Variants in CCDC178 observed in about 807,000 individuals in gnomAD.
CCDC178 encodes the protein coiled-coil domain containing 178.
A neutral mutation model predicts 117.4 loss-of-function variants in CCDC178; 126 were observed. The ratio of observed to expected loss-of-function variants is 1.07; its 90% CI spans 0.93 to 1.24. The LOEUF is 1.24. Ranked by LOEUF, CCDC178 falls within the 50% of genes most tolerant of loss-of-function variation. CCDC178 has a pLI of 0.00. For synonymous variants in CCDC178, 283 were observed against 313.4 expected, an observed-to-expected ratio of 0.90 and a Z score of 1.02; for missense variants, 1,030 against 986.9, an observed-to-expected ratio of 1.04 and a Z score of -0.59.
chr18:33,221,527 C>T (rs975824591), intron 18 of CCDC178, among the ~76,000 whole-genome samples: 6 of 151,948 alleles, frequency 3.9e-5, no homozygotes, highest in African/African-American at 1.4e-4. Context: ...AAGGAGCGTC[C>T]CTTGGGAGTG....
At chr18:33,252,742 A>G (rs1748065522) in intron 14 of CCDC178, among the ~76,000 whole-genome samples, 1 of 151,808 alleles carries the variant, frequency 6.6e-6, no homozygotes, top group African/African-American at 2.4e-5. Flanking sequence ...TTCATAAAAT[A>G]TGCCAATATA....
At chr18:33,181,587 A>G (rs144533743) in intron 20 of CCDC178, among the ~76,000 whole-genome samples, 12 of 151,966 alleles carry the variant, frequency 7.9e-5, no homozygotes, top group Non-Finnish European at 1.6e-4. Flanking sequence ...AATTTAATTT[A>G]TATGTATTGT....
At chr18:33,017,465 T>TA (rs1192450585) in intron 21 of CCDC178, among the ~76,000 whole-genome samples, 3 of 151,994 alleles carry the variant, frequency 2.0e-5, no homozygotes, top group Admixed American at 2.0e-4. Flanking sequence ...GAAAGACATC[T>TA]ATATGTTCAA....
chr18:33,320,211 C>G (rs1227895405), intron 11 of CCDC178, among the ~76,000 whole-genome samples: 3 of 152,204 alleles, frequency 2.0e-5, no homozygotes, highest in Admixed American at 1.3e-4. Flanking sequence ...CTCACCACTC[C>G]TGTTCAACAT....
At chr18:33,342,205 A>G (rs2062825674) in intron 9 of CCDC178, among the ~76,000 whole-genome samples, 1 of 152,176 alleles carries the variant, frequency 6.6e-6, no homozygotes, top group African/African-American at 2.4e-5. Flanking sequence ...AAGAAACAAG[A>G]TATGATATAT....
At chr18:32,997,659 TAA>T (rs1373397446) in intron 21 of CCDC178, among the ~76,000 whole-genome samples, 1 of 152,088 alleles carries the variant, frequency 6.6e-6, no homozygotes, top group Non-Finnish European at 1.5e-5. Flanking sequence ...TATGTATATA[TAA>T]AGACTATATA....
intron 11 of CCDC178, among the ~76,000 whole-genome samples, chr18:33,318,368 C>A (rs1385634685): frequency 6.6e-6 from 1 of 152,144 alleles, no homozygotes; most frequent in Non-Finnish European, 1.5e-5. Context: ...ACAACAGAGT[C>A]CTTTGGTCAA....
intron 22 of CCDC178, among the ~76,000 whole-genome samples, chr18:32,961,124 T>C (rs2054695246): frequency 6.6e-6 from 1 of 152,094 alleles, no homozygotes; most frequent in South Asian, 2.1e-4. Flanking sequence ...GTTGATAGTG[T>C]TGTTCAACTC....
intron 21 of CCDC178, among the ~76,000 whole-genome samples, chr18:33,076,643 A>G (rs940006780): frequency 5.9e-5 from 9 of 152,110 alleles, no homozygotes; most frequent in African/African-American, 2.2e-4. Flanking sequence ...CTTTCCTTAA[A>G]TCTTCCAAAA....
intron 5 of CCDC178, among the ~76,000 whole-genome samples, chr18:33,379,907 C>G (rs1181317938): frequency 2.0e-5 from 3 of 152,148 alleles, no homozygotes; most frequent in Admixed American, 6.5e-5. Flanking sequence ...ACAACTCAGG[C>G]TGCTAATCCA....
rs200383176 is a variant in CCDC178, at chr18:33,349,770, T to C, written c.372-795A>G. On this transcript the variant is annotated intron_variant, in intron 7 of 22. Coordinates refer to ENST00000383096, the MANE Select transcript of CCDC178 (RefSeq NM_001105528.4). ...AGTATTCTAAATTAAGAAAACTGTA[T>C]ACATACCAAAAATCATAAAAAATAA... Among the ~76,000 whole-genome samples, 13 of 151,964 alleles carry C rather than the reference T, an allele frequency of 8.6e-5. No homozygotes were observed. In the East Asian group the frequency reaches 1.9e-3, roughly 23 times the overall value.
At chr18:33,196,010 C>T (rs542044017) in intron 20 of CCDC178, among the ~76,000 whole-genome samples, 1 of 152,264 alleles carries the variant, frequency 6.6e-6, no homozygotes, top group South Asian at 2.1e-4. Context: ...ACCTCTGGGC[C>T]TCTGGAATGT....
intron 21 of CCDC178, among the ~76,000 whole-genome samples, chr18:33,035,568 T>C (rs755808714): frequency 2.6e-5 from 4 of 151,942 alleles, no homozygotes; most frequent in Non-Finnish European, 5.9e-5. Context: ...GAAAAAATAA[T>C]TGAACTCTTA....
At chr18:33,179,869 A>G (rs1016555612) in intron 20 of CCDC178, among the ~76,000 whole-genome samples, 1 of 152,018 alleles carries the variant, frequency 6.6e-6, no homozygotes, top group Non-Finnish European at 1.5e-5. Flanking sequence ...TACAAACTTC[A>G]TGGACATTAA....
chr18:33,351,452 CA>C lies in CCDC178; in HGVS notation c.372-2478del, dbSNP rs560836591. Among the ~76,000 whole-genome samples, 21 of 152,298 alleles carry C rather than the reference CA, an allele frequency of 1.4e-4. No individual in the cohort carries two copies. The South Asian group carries it at 4.3e-3, about 32-fold the overall frequency. ...AGGTGATCCACCAGCCTTGGCCTCC[CA>C]AAGTGCTGGGATTACAGGCGTGAGC... On this transcript the variant is annotated intron_variant, in intron 7 of 22. Coordinates refer to ENST00000383096, the MANE Select transcript of CCDC178 (RefSeq NM_001105528.4).
At chr18:33,293,071 A>G in intron 12 of CCDC178, 88 bp downstream of exon 12, 3 of 892,748 alleles carry the variant, frequency 3.4e-6, no homozygotes, top group Non-Finnish European at 4.9e-6. Context: ...AAATTGGCCA[A>G]TTGCTATTTA....
chr18:33,004,412 T>C (rs1317090328), intron 21 of CCDC178, among the ~76,000 whole-genome samples: 1 of 152,100 alleles, frequency 6.6e-6, no homozygotes, highest in East Asian at 1.9e-4. Context: ...TAAATGATGA[T>C]GGGAAAATCA....
chr18:32,965,578 A>G (rs2054793830), intron 22 of CCDC178, among the ~76,000 whole-genome samples: 1 of 151,780 alleles, frequency 6.6e-6, no homozygotes, highest in Non-Finnish European at 1.5e-5. Flanking sequence ...TTTCACTATC[A>G]CTAGTGCTAT....
At chr18:33,167,775 G>A (rs1250123054) in intron 20 of CCDC178, among the ~76,000 whole-genome samples, 1 of 152,006 alleles carries the variant, frequency 6.6e-6, no homozygotes, top group Admixed American at 6.6e-5. Context: ...GCTGAGAGAG[G>A]AGAATTGCAT....
Sources: allele counts gnomAD v4.1 joint callset (sites outside exome capture counted in the v4.1 genomes callset), GRCh38; gene constraint gnomAD v4.1.1; transcripts MANE v1.5; gene names NCBI Gene and HGNC (gene_info 2026-07-23, HGNC 2026-07-21).